Variants in TACR1 observed in about 807,000 individuals in gnomAD.
TACR1 encodes the protein tachykinin receptor 1.
TACR1 carries 25 observed loss-of-function variants against 35.8 expected under a neutral mutation model. That is an observed-to-expected ratio of 0.70 (90% CI 0.51 to 0.98). The LOEUF (loss-of-function observed/expected upper bound fraction) is 0.98. TACR1 is among the 50% of genes least tolerant of loss of function. The probability of loss-of-function intolerance (pLI) is 0.00; values close to 1 mark genes in which losing one functional copy is unlikely to be tolerated. For synonymous variants in TACR1, 195 were observed against 206.7 expected (o/e 0.94, Z 0.48); for missense variants, 478 against 522.9 (o/e 0.91, Z 0.84).
At chr2:75,146,739 G>T (rs548728319) in intron 1 of TACR1, among the ~76,000 whole-genome samples, 1 of 152,214 alleles carries the variant, frequency 6.6e-6, no homozygotes, top group Non-Finnish European at 1.5e-5. Flanking sequence ...ATAAAATAGA[G>T]TTGCAGTTGC....
intron 3 of TACR1, 68 bp from the exon 4 acceptor site, chr2:75,051,515 C>T: frequency 8.2e-6 from 13 of 1,586,184 alleles, no homozygotes; most frequent in Non-Finnish European, 1.1e-5. Context: ...TTCCTCTCTC[C>T]TCCCACGCCC....
At chr2:75,120,430 A>T in intron 2 of TACR1, 144 bp downstream of exon 2, 4 of 667,268 alleles carry the variant, frequency 6.0e-6, no homozygotes, top group Non-Finnish European at 9.8e-6. Flanking sequence ...TCAACCTGAT[A>T]TGAGGGTATA....
In TACR1 at chr2:75,078,945, T is replaced by G. The variant is rs184910407; in HGVS notation, c.585-25190A>C. On this transcript the variant is annotated intron_variant, in intron 2 of 4. Transcript: ENST00000305249. Reference sequence around the variant, plus strand: ...GTCTCAGTATTTTAAGGGAAAAATATGACAAAATATTCTCAAGTTCAGGTA... The same window carrying G: ...GTCTCAGTATTTTAAGGGAAAAATAGGACAAAATATTCTCAAGTTCAGGTA... 5.3e-5 allele frequency among the ~76,000 whole-genome samples: 8 copies of G among 152,246 alleles called. No individual in the cohort carries two copies. In the East Asian group the frequency reaches 1.4e-3, roughly 26 times the overall value.
At chr2:75,163,120 CAT>C in intron 1 of TACR1, among the ~76,000 whole-genome samples, 1 of 152,276 alleles carries the variant, frequency 6.6e-6, no homozygotes, top group Non-Finnish European at 1.5e-5. Context: ...ACTTGGAAGT[CAT>C]GTGTTGAAAT....
intron 1 of TACR1, among the ~76,000 whole-genome samples, chr2:75,130,446 T>C (rs1288289476): frequency 2.0e-5 from 3 of 152,236 alleles, no homozygotes; most frequent in African/African-American, 7.2e-5. Flanking sequence ...TGAGTAATCC[T>C]TCTCTGGAGA....
At chr2:75,185,829 T>A (rs1324446382) in intron 1 of TACR1, among the ~76,000 whole-genome samples, 2 of 152,168 alleles carry the variant, frequency 1.3e-5, no homozygotes, top group Admixed American at 6.5e-5. Context: ...TTCTAAGAAT[T>A]TATCCTAATA....
intron 4 of TACR1, among the ~76,000 whole-genome samples, chr2:75,050,861 G>A (rs917762513): frequency 5.3e-5 from 8 of 152,192 alleles, no homozygotes; most frequent in African/African-American, 1.7e-4. Context: ...AGCCCGCTGT[G>A]TACTGGATCC....
chr2:75,133,965 G>T (rs1349777968), intron 1 of TACR1, among the ~76,000 whole-genome samples: 2 of 152,106 alleles, frequency 1.3e-5, no homozygotes, highest in East Asian at 3.9e-4. Context: ...CTTTGTTTTG[G>T]AGACCAGAAG....
intron 1 of TACR1, among the ~76,000 whole-genome samples, chr2:75,180,039 G>A (rs984451522): frequency 4.6e-5 from 7 of 151,956 alleles, no homozygotes; most frequent in Non-Finnish European, 5.9e-5. Context: ...CCTGCTTTGG[G>A]GTCTTTTATT....
chr2:75,083,911 C>G (rs1025460140), intron 2 of TACR1, among the ~76,000 whole-genome samples: 1 of 151,970 alleles, frequency 6.6e-6, no homozygotes, highest in Non-Finnish European at 1.5e-5. Context: ...AATTGAATAC[C>G]CTTTATTTCT....
intron 1 of TACR1, among the ~76,000 whole-genome samples, chr2:75,130,597 A>C (rs922521235): frequency 2.0e-5 from 3 of 152,270 alleles, no homozygotes; most frequent in Non-Finnish European, 4.4e-5. Flanking sequence ...TCAAAGAAGC[A>C]CACATCAAAT....
At chr2:75,159,262 A>C (rs1269338149) in intron 1 of TACR1, among the ~76,000 whole-genome samples, 1 of 152,168 alleles carries the variant, frequency 6.6e-6, no homozygotes, top group African/African-American at 2.4e-5. Flanking sequence ...CGAAACACAA[A>C]CCAAAGTAAA....
chr2:75,180,009 G>C (rs1675524447), intron 1 of TACR1, among the ~76,000 whole-genome samples: 1 of 152,102 alleles, frequency 6.6e-6, no homozygotes. Flanking sequence ...ACTCACTCAG[G>C]CTTTATTGCC....
chr2:75,194,577 G>T (rs1368085912), intron 1 of TACR1, among the ~76,000 whole-genome samples: 1 of 152,220 alleles, frequency 6.6e-6, no homozygotes, highest in Non-Finnish European at 1.5e-5. Flanking sequence ...GGCTGGGACA[G>T]AGTGTGTAGA....
intron 2 of TACR1, among the ~76,000 whole-genome samples, chr2:75,085,427 G>A (rs911539185): frequency 1.3e-5 from 2 of 152,092 alleles, no homozygotes; most frequent in African/African-American, 4.8e-5. Context: ...CTGTTACTGC[G>A]CAATGGGCAT....
chr2:75,162,026 A>T (rs1462430435), intron 1 of TACR1, among the ~76,000 whole-genome samples: 1 of 139,340 alleles, frequency 7.2e-6, no homozygotes, highest in Non-Finnish European at 1.5e-5. Flanking sequence ...TGAGATGCTA[A>T]CAAGTATTGA....
chr2:75,091,899 C>T (rs778655295), intron 2 of TACR1, among the ~76,000 whole-genome samples: 33 of 152,184 alleles, frequency 2.2e-4, no homozygotes, highest in Non-Finnish European at 3.2e-4. Flanking sequence ...CACTAATGTA[C>T]GGCTGTGGAC....
At chr2:75,112,533 C>T (rs1359208688) in intron 2 of TACR1, among the ~76,000 whole-genome samples, 1 of 152,034 alleles carries the variant, frequency 6.6e-6, no homozygotes, top group Non-Finnish European at 1.5e-5. Flanking sequence ...TTTTCTTATG[C>T]CGTCCAGTAA....
chr2:75,064,487 T>G (rs2103803125), intron 2 of TACR1, among the ~76,000 whole-genome samples: 1 of 152,240 alleles, frequency 6.6e-6, no homozygotes, highest in East Asian at 1.9e-4. Context: ...AATGCTAAAT[T>G]GATCTGTGTG....
Sources: allele counts gnomAD v4.1 joint callset (sites outside exome capture counted in the v4.1 genomes callset), GRCh38; gene constraint gnomAD v4.1.1; transcripts MANE v1.5; gene names NCBI Gene and HGNC (gene_info 2026-07-23, HGNC 2026-07-21).